Variants in MFSD11 observed in about 807,000 individuals in gnomAD.
MFSD11 encodes the protein UNC93-like protein MFSD11.
A neutral mutation model predicts 53.5 loss-of-function variants in MFSD11; 36 were observed. That is an observed-to-expected ratio of 0.67 (90% CI 0.52 to 0.89). The LOEUF (loss-of-function observed/expected upper bound fraction) is 0.89, where lower values mean the gene tolerates loss of function less well. Ranked by LOEUF, MFSD11 falls within the 40% of genes least tolerant of loss-of-function variation. MFSD11 has a pLI of 0.00. For missense variants in MFSD11, 530 were observed against 543.9 expected, an observed-to-expected ratio of 0.97 and a Z score of 0.25; for synonymous variants, 186 against 184.9, an observed-to-expected ratio of 1.01 and a Z score of -0.05.
chr17:76,748,460 A>G (rs974447643), intron 7 of MFSD11, among the ~76,000 whole-genome samples: 4 of 151,910 alleles, frequency 2.6e-5, no homozygotes, highest in African/African-American at 9.7e-5. Flanking sequence ...GGCTGAGGCA[A>G]GAAGATCGCT....
intron 10 of MFSD11, among the ~76,000 whole-genome samples, chr17:76,772,660 G>A (rs1235756500): frequency 6.6e-6 from 1 of 151,660 alleles, no homozygotes; most frequent in Non-Finnish European, 1.5e-5. Flanking sequence ...TGGGACTACA[G>A]GCAACCGCTA....
chr17:76,770,252 A>G (rs550605844), intron 10 of MFSD11, among the ~76,000 whole-genome samples: 3 of 151,836 alleles, frequency 2.0e-5, no homozygotes, highest in Non-Finnish European at 4.4e-5. Flanking sequence ...ATTAGCCAGG[A>G]TGGTCTCGAT....
rs1260641008 is a variant in MFSD11, at chr17:76,757,006, CTTG to C, written c.682+2924_682+2926del. On this transcript the variant is annotated intron_variant, in intron 8 of 12. Coordinates refer to ENST00000685175, the MANE Select transcript of MFSD11 (RefSeq NM_001242532.5). ...TGAGCCCTTTCATGGATATTTCCTT[CTTG>C]TTGTCAGCAGGCTAGAAAGCCACAT... Among the ~76,000 whole-genome samples the C allele has an allele frequency of 2.6e-5, 4 of 152,236 alleles. No homozygotes were observed. In the East Asian group the frequency reaches 7.7e-4, roughly 29 times the overall value.
the MFSD11 span, among the ~76,000 whole-genome samples, chr17:76,796,427 G>GT: frequency 6.6e-6 from 1 of 152,232 alleles, no homozygotes; most frequent in Admixed American, 6.5e-5. Flanking sequence ...ACATCGTACA[G>GT]TCTACAGTCT....
chr17:76,755,769 CGTGT>C (rs67060734), intron 8 of MFSD11, among the ~76,000 whole-genome samples: 8,861 of 28,696 alleles, frequency 0.31, 2,924 homozygotes, highest in East Asian at 0.41. Flanking sequence ...TATATATGTA[CGTGT>C]GTGTGTGTGT....
chr17:76,782,766 A>T (rs568488006), downstream of MFSD11, among the ~76,000 whole-genome samples: 1 of 151,718 alleles, frequency 6.6e-6, no homozygotes, highest in Admixed American at 6.6e-5. Context: ...GCTTGAGCCC[A>T]CCACGCGGGG....
the MFSD11 span, among the ~76,000 whole-genome samples, chr17:76,802,374 G>A: frequency 0.023 from 3,468 of 152,296 alleles, 135 homozygotes; most frequent in African/African-American, 0.078. Flanking sequence ...TAACAAGAAT[G>A]TAAAATGGTA....
At chr17:76,760,928 G>A (rs1598655847) in intron 8 of MFSD11, among the ~76,000 whole-genome samples, 1 of 152,060 alleles carries the variant, frequency 6.6e-6, no homozygotes. Flanking sequence ...ATTGCTGGCC[G>A]GGCGCAGTGG....
chr17:76,790,724 G>A, the MFSD11 span, among the ~76,000 whole-genome samples: 18 of 146,476 alleles, frequency 1.2e-4, 2 homozygotes, highest in South Asian at 3.4e-3. Flanking sequence ...TTGGGATCAC[G>A]AGGTCAAGAG....
At chr17:76,737,794 C>T (rs938856591), upstream of MFSD11, 1 of 161,868 alleles carries the variant, frequency 6.2e-6, no homozygotes, top group African/African-American at 2.4e-5. Context: ...TCGGCCCCGT[C>T]CAGCCGTTCC....
In MFSD11 at chr17:76,776,462, A is replaced by T; in HGVS notation, c.1106A>T (p.Asn369Ile). ...FLLGLGDSCF[N>I]TQLLSILGFL... Reference sequence around the variant, plus strand: ...TTGGGCCTTGGAGACAGCTGCTTTAATACCCAGCTGCTTAGTATCTTGGGC... The same window carrying T: ...TTGGGCCTTGGAGACAGCTGCTTTATTACCCAGCTGCTTAGTATCTTGGGC... The change falls in exon 12 of 13, where the codon AAT (asparagine) becomes ATT (isoleucine). Residue 369 changes from asparagine (N) to isoleucine (I), a missense_variant. Asn to Ile is a moderately radical substitution (Grantham distance 149). Coordinates refer to ENST00000685175, the MANE Select transcript of MFSD11 (RefSeq NM_001242532.5). The surrounding 1 kb of genome is among the most constrained non-coding windows in gnomAD (Gnocchi z 4.2). 1 of 1,613,968 alleles carries T rather than the reference A, an allele frequency of 6.2e-7. No homozygotes were observed. The highest frequency in any genetic ancestry group is 2.2e-5 in the East Asian group (1 of 44,874).
At chr17:76,750,099 T>G (rs979552240) in intron 7 of MFSD11, among the ~76,000 whole-genome samples, 2 of 152,044 alleles carry the variant, frequency 1.3e-5, no homozygotes, top group African/African-American at 4.8e-5. Context: ...CTAACTTAAA[T>G]GGTAAATAAC....
In MFSD11 at chr17:76,738,282, G is replaced by A. The variant is rs770646457; in HGVS notation, c.-71G>A. 2 of 974,826 alleles carry A rather than the reference G, an allele frequency of 2.1e-6. No individual in the cohort carries two copies. The highest frequency in any genetic ancestry group is 3.3e-6 in the Non-Finnish European group (2 of 612,858). 60.4% of individuals were successfully genotyped at this position (974,826 alleles called of 1,614,324 possible). A position where few individuals can be genotyped will look rare whatever the true frequency, so the allele number is the denominator to read the frequency against. On this transcript the variant is annotated 5_prime_UTR_variant, in exon 1 of 13. Coordinates refer to ENST00000685175, the MANE Select transcript of MFSD11 (RefSeq NM_001242532.5). ...CTCACCATCTCATTTCTTTCTCCAGGATTGTCAGTGGCTTCGCCCCGAGGA... is the reference window on the plus strand; with the variant it reads ...CTCACCATCTCATTTCTTTCTCCAGAATTGTCAGTGGCTTCGCCCCGAGGA...
chr17:76,777,692 G>T (rs192365387), intron 12 of MFSD11, among the ~76,000 whole-genome samples: 30 of 151,952 alleles, frequency 2.0e-4, no homozygotes, highest in African/African-American at 7.0e-4. Flanking sequence ...GATTTTTTGT[G>T]TAACAGATTT....
At chr17:76,736,654 G>A, upstream of MFSD11, 1 of 1,190,898 alleles carries the variant, frequency 8.4e-7, no homozygotes, top group African/African-American at 1.6e-5. Context: ...GAAGCTCGCG[G>A]GGTGGCCGGA....
At chr17:76,747,115 CA>C (rs2078625786) in intron 7 of MFSD11, among the ~76,000 whole-genome samples, 2 of 152,072 alleles carry the variant, frequency 1.3e-5, no homozygotes, top group Non-Finnish European at 2.9e-5. Context: ...AAATACATTT[CA>C]TGAGGATATA....
intron 8 of MFSD11, among the ~76,000 whole-genome samples, chr17:76,755,954 G>A: frequency 6.9e-6 from 1 of 145,560 alleles, no homozygotes; most frequent in African/African-American, 2.5e-5. Context: ...CTCCCAAGTA[G>A]CTGGGATTAC....
chr17:76,753,897 C>G, intron 7 of MFSD11, 150 bp from the exon 8 acceptor site: 2 of 596,954 alleles, frequency 3.4e-6, no homozygotes, highest in South Asian at 4.3e-5. Context: ...TGAGGGACAC[C>G]CTGAGGCAAG....
At chr17:76,798,705 T>A in the MFSD11 span, among the ~76,000 whole-genome samples, 5 of 152,154 alleles carry the variant, frequency 3.3e-5, no homozygotes, top group Non-Finnish European at 7.3e-5. Context: ...TAGCAACCAG[T>A]GAGCTGTTGC....
Sources: gnomAD v4.1 joint callset for allele counts (sites outside exome capture counted in the v4.1 genomes callset) on GRCh38, gnomAD v4.1.1 for gene constraint, Gnocchi (gnomAD v3.1) non-coding constraint, MANE v1.5 for transcripts, NCBI Gene and HGNC (gene_info 2026-07-23, HGNC 2026-07-21) for gene names.